Variants in ATP9B observed in about 807,000 individuals in gnomAD.
The protein encoded by ATP9B is probable phospholipid-transporting ATPase IIB.
Under a neutral mutation model 146.1 loss-of-function variants are expected in ATP9B, and 110 were observed. The observed-to-expected ratio is 0.75, with a 90% CI of 0.65 to 0.88. ATP9B has a LOEUF of 0.88. Among genes scored for constraint, ATP9B ranks in the 40% least tolerant of loss-of-function variants. ATP9B has a pLI of 0.00. For missense variants in ATP9B, 1,499 were observed against 1,496.4 expected, an observed-to-expected ratio of 1.00 and a Z score of -0.03; for synonymous variants, 604 against 569.7, an observed-to-expected ratio of 1.06 and a Z score of -0.86.
At chr18:79,334,616 C>A (rs968888308) in intron 17 of ATP9B, among the ~76,000 whole-genome samples, 5 of 151,450 alleles carry the variant, frequency 3.3e-5, no homozygotes, top group South Asian at 2.1e-4. Context: ...CCCGACACCC[C>A]CTGGGGCTGT....
chr18:79,149,711 TAAAAA>T (rs879710186), intron 6 of ATP9B, among the ~76,000 whole-genome samples: 17 of 135,516 alleles, frequency 1.3e-4, no homozygotes, highest in African/African-American at 4.6e-4. Flanking sequence ...AACTTAACAG[TAAAAA>T]AAAAAAAAAT....
At chr18:79,265,238 C>T (rs1282976028) in intron 12 of ATP9B, among the ~76,000 whole-genome samples, 2 of 152,128 alleles carry the variant, frequency 1.3e-5, no homozygotes, top group Admixed American at 6.5e-5. Context: ...CATGTTCCTG[C>T]GAAGGACATG....
intron 8 of ATP9B, among the ~76,000 whole-genome samples, chr18:79,180,860 T>A (rs1262437708): frequency 1.3e-5 from 2 of 152,080 alleles, no homozygotes; most frequent in Non-Finnish European, 2.9e-5. Flanking sequence ...TAGTGCAATC[T>A]CGACTCACTG....
At chr18:79,356,486 G>A (rs1009669528) in intron 25 of ATP9B, among the ~76,000 whole-genome samples, 2 of 152,210 alleles carry the variant, frequency 1.3e-5, no homozygotes, top group African/African-American at 4.8e-5. Flanking sequence ...CAACCCAGAT[G>A]TAACTTCAGT....
intron 2 of ATP9B, among the ~76,000 whole-genome samples, chr18:79,106,402 C>T (rs2075652280): frequency 1.3e-5 from 2 of 152,178 alleles, no homozygotes; most frequent in Admixed American, 6.5e-5. Flanking sequence ...ATACTGTTTT[C>T]GTTACAGTGT....
intron 1 of ATP9B, among the ~76,000 whole-genome samples, 177 bp from the exon 2 acceptor site, chr18:79,096,299 C>G (rs1404189836): frequency 6.6e-6 from 1 of 152,130 alleles, no homozygotes; most frequent in East Asian, 1.9e-4. Context: ...CGTTGGGCAG[C>G]TTTTTTACCT....
In ATP9B at chr18:79,117,910, A is replaced by G. The variant is rs1480789528; in HGVS notation, c.558+4556A>G. The G allele has an allele frequency of 1.3e-5, 2 of 152,230 alleles. 1 individual carries two copies. Among genetic ancestry groups the G allele is most frequent in the Non-Finnish European group, 2.9e-5 (2 of 68,020 alleles). 9.4% of individuals were successfully genotyped at this position (152,230 alleles called of 1,614,324 possible). ...TGTTTATATTTATCATTAAAACAAT[A>G]TGCAATATTATTTTGTATGCTTTAA... On this transcript the variant is annotated intron_variant, in intron 4 of 29. Transcript: ENST00000426216.
chr18:79,131,051 G>T (rs1393782489), intron 5 of ATP9B, among the ~76,000 whole-genome samples: 2 of 152,072 alleles, frequency 1.3e-5, no homozygotes, highest in African/African-American at 4.8e-5. Flanking sequence ...ATCCCAGTTA[G>T]TCAGGAGGCT....
chr18:79,258,486 G>C (rs1376771257), intron 12 of ATP9B, among the ~76,000 whole-genome samples: 1 of 152,180 alleles, frequency 6.6e-6, no homozygotes, highest in Non-Finnish European at 1.5e-5. Flanking sequence ...TAATCCTGCT[G>C]TCTCCACTTA....
At chr18:79,179,547 T>G (rs1197065877) in intron 8 of ATP9B, among the ~76,000 whole-genome samples, 2 of 152,196 alleles carry the variant, frequency 1.3e-5, no homozygotes, top group Non-Finnish European at 2.9e-5. Flanking sequence ...ATGATTCTTC[T>G]TTTCATCCTT....
chr18:79,211,878 C>A (rs944372984), intron 10 of ATP9B, among the ~76,000 whole-genome samples: 1 of 152,154 alleles, frequency 6.6e-6, no homozygotes. Flanking sequence ...TGATTTTACA[C>A]TGAAAATATG....
chr18:79,307,111 G>A lies in ATP9B; in HGVS notation c.1650G>A (p.Leu550=). The change falls in exon 15 of 30, where the codon CTG becomes CTA. Residue 550 remains leucine (L), a synonymous_variant. Coordinates refer to ENST00000426216, the MANE Select transcript of ATP9B (RefSeq NM_198531.5). ...ATGAAGCCGTGAAAGCCATCGTGCT[G>A]TGTCACAACGTGACCCCCGTGTATG... is the stretch of plus-strand genomic sequence containing the variant. ...RIHEAVKAIV[L]CHNVTPVYES... is the part of the protein sequence containing the mutation. The A allele has an allele frequency of 1.9e-6, 3 of 1,614,222 alleles. No homozygotes were observed. The highest frequency in any genetic ancestry group is 2.2e-5 in the South Asian group (2 of 91,086).
intron 19 of ATP9B, among the ~76,000 whole-genome samples, chr18:79,338,669 A>T (rs1372387482): frequency 6.6e-6 from 1 of 152,036 alleles, no homozygotes; most frequent in Admixed American, 6.6e-5. Context: ...TCACTTACTG[A>T]TGTGTCCTCT....
chr18:79,371,834 G>C (rs1336020106), intron 26 of ATP9B, among the ~76,000 whole-genome samples: 1 of 152,216 alleles, frequency 6.6e-6, no homozygotes, highest in Non-Finnish European at 1.5e-5. Flanking sequence ...TCTCCCCCGT[G>C]GGTGGGGAAG....
intron 1 of ATP9B, among the ~76,000 whole-genome samples, chr18:79,088,243 T>C (rs2074009366): frequency 6.6e-6 from 1 of 152,234 alleles, no homozygotes; most frequent in South Asian, 2.1e-4. Context: ...ATTGTGACTT[T>C]TACTAAAATA....
At chr18:79,110,861 G>T (rs2075963484) in intron 3 of ATP9B, among the ~76,000 whole-genome samples, 1 of 152,130 alleles carries the variant, frequency 6.6e-6, no homozygotes, top group Admixed American at 6.5e-5. Context: ...AACTAGTTTG[G>T]AGAAAACAGT....
chr18:79,296,726 C>CT (rs1055427571), intron 13 of ATP9B, among the ~76,000 whole-genome samples: 1 of 152,162 alleles, frequency 6.6e-6, no homozygotes, highest in African/African-American at 2.4e-5. Context: ...TATCATTATT[C>CT]TTTTTTAAAA....
At chr18:79,161,380 C>T (rs1175778548) in intron 7 of ATP9B, among the ~76,000 whole-genome samples, 4 of 152,168 alleles carry the variant, frequency 2.6e-5, no homozygotes, top group Admixed American at 6.5e-5. Context: ...AAAATGTATA[C>T]ACTGCACAGG....
intron 11 of ATP9B, among the ~76,000 whole-genome samples, chr18:79,244,178 T>A (rs1195037413): frequency 2.0e-5 from 3 of 147,730 alleles, no homozygotes; most frequent in African/African-American, 7.6e-5. Flanking sequence ...AAAAACACAG[T>A]TTTCATGGCC....
Sources: allele counts gnomAD v4.1 joint callset (sites outside exome capture counted in the v4.1 genomes callset), GRCh38; gene constraint gnomAD v4.1.1; transcripts MANE v1.5; gene names NCBI Gene and HGNC (gene_info 2026-07-23, HGNC 2026-07-21).